The following WLS variants were observed in gnomAD, a reference collection of about 807,000 sequenced individuals.
WLS encodes Wnt ligand secretion mediator, also known as protein wntless homolog.
In WLS, 23 loss-of-function variants were observed where a neutral mutation model predicts 62.8. The ratio of observed to expected loss-of-function variants is 0.37; its 90% CI spans 0.26 to 0.52. WLS has a LOEUF of 0.52. Among genes scored for constraint, WLS ranks in the 20% least tolerant of loss-of-function variants. WLS has a pLI of 0.92. For missense variants in WLS, 615 were observed against 697.3 expected, an observed-to-expected ratio of 0.88 and a Z score of 1.33; for synonymous variants, 246 against 244.1, an observed-to-expected ratio of 1.01 and a Z score of -0.07.
chr1:68,182,188 AG>A lies in WLS; in HGVS notation c.379+11766del, dbSNP rs766443876. On this transcript the variant is annotated intron_variant, in intron 2 of 11. Transcript: ENST00000262348. ...TTTTAAAATCTTGGAAAGGTTTTGG[AG>A]GAGCCCTACTGTTTCTGAATTGGAA... Among the ~76,000 whole-genome samples the A allele has an allele frequency of 5.4e-4, 82 of 152,356 alleles. 1 individual carries two copies. Among genetic ancestry groups the A allele is most frequent in the Middle Eastern group, 6.8e-3 (2 of 294 alleles).
rs148454639 is a variant in WLS at position 68,177,642 on chromosome 1, C to T, written c.379+16313G>A. Among the ~76,000 whole-genome samples, 192 of 152,214 alleles carry T rather than the reference C, an allele frequency of 1.3e-3. 5 individuals carry two copies. The East Asian group carries it at 0.033, about 26-fold the overall frequency. Reference sequence around the variant, plus strand: ...CCAAGCAGCTGGGACTACAGGGGCACACCACCACATCCTGATAATTTTTGT... The same window carrying T: ...CCAAGCAGCTGGGACTACAGGGGCATACCACCACATCCTGATAATTTTTGT... On this transcript the variant is annotated intron_variant, in intron 2 of 11. Coordinates refer to ENST00000262348, the MANE Select transcript of WLS (RefSeq NM_024911.7).
chr1:68,188,853 C>T (rs1403270350), intron 2 of WLS, among the ~76,000 whole-genome samples: 1 of 152,118 alleles, frequency 6.6e-6, no homozygotes, highest in African/African-American at 2.4e-5. Context: ...AAGCCTTGAG[C>T]CAGGAAGCGA....
intron 1 of WLS, among the ~76,000 whole-genome samples, chr1:68,210,418 C>G (rs1649466937): frequency 6.6e-6 from 1 of 152,122 alleles, no homozygotes. Context: ...ATGGAAAATC[C>G]AGCATTCATG....
At chr1:68,131,769 A>T (rs1322666007) in intron 11 of WLS, among the ~76,000 whole-genome samples, 3 of 152,184 alleles carry the variant, frequency 2.0e-5, no homozygotes, top group Non-Finnish European at 4.4e-5. Context: ...GGGCCTTCTT[A>T]AAGAAGTAAT....
At chr1:68,104,428 T>C (rs898528985) in intron 11 of WLS, among the ~76,000 whole-genome samples, 3 of 152,158 alleles carry the variant, frequency 2.0e-5, no homozygotes, top group Non-Finnish European at 4.4e-5. Context: ...AGCAGCTGCA[T>C]CCCACTGCTG....
At chr1:68,127,879 ACTG>A (rs1304840319) in intron 11 of WLS, among the ~76,000 whole-genome samples, 1 of 152,028 alleles carries the variant, frequency 6.6e-6, no homozygotes, top group Non-Finnish European at 1.5e-5. Context: ...ACTCCCACCC[ACTG>A]GCCCAGCAGG....
chr1:68,127,088 A>G (rs1646442955), intron 11 of WLS: 2 of 401,982 alleles, frequency 5.0e-6, no homozygotes, highest in Non-Finnish European at 9.8e-6. Flanking sequence ...TCAGCTACTC[A>G]GGAGGCTGAG....
At chr1:68,175,127 C>T (rs1487828691) in intron 2 of WLS, among the ~76,000 whole-genome samples, 6 of 152,170 alleles carry the variant, frequency 3.9e-5, no homozygotes, top group Admixed American at 6.5e-5. Context: ...CAAGAGCAAT[C>T]GGGCACCATT....
intron 11 of WLS, among the ~76,000 whole-genome samples, chr1:68,110,692 C>CAT (rs1159850761): frequency 1.6e-4 from 22 of 138,454 alleles, no homozygotes; most frequent in African/African-American, 3.8e-4. Flanking sequence ...TCTCTCTCTC[C>CAT]ATATATATAT....
intron 6 of WLS, among the ~76,000 whole-genome samples, chr1:68,149,326 C>T (rs1203738799): frequency 6.6e-6 from 1 of 152,178 alleles, no homozygotes; most frequent in East Asian, 1.9e-4. Flanking sequence ...ATCCACTCCC[C>T]CGCCCTGCTG....
intron 1 of WLS, among the ~76,000 whole-genome samples, chr1:68,231,326 C>T (rs1260297305): frequency 6.6e-6 from 1 of 151,970 alleles, no homozygotes; most frequent in Non-Finnish European, 1.5e-5. Flanking sequence ...AGGAGGCCGG[C>T]GAGCTGTCAC....
intron 11 of WLS, among the ~76,000 whole-genome samples, chr1:68,132,451 G>T (rs1174959124): frequency 6.6e-6 from 1 of 152,146 alleles, no homozygotes. Flanking sequence ...CAATGTCAGG[G>T]CCTCAGGACT....
At chr1:68,153,159 T>C (rs574872669) in intron 5 of WLS, among the ~76,000 whole-genome samples, 7 of 152,154 alleles carry the variant, frequency 4.6e-5, no homozygotes, top group African/African-American at 1.4e-4. Flanking sequence ...CCTGTGGTTC[T>C]AGCTACCGGG....
chr1:68,176,534 G>A (rs1039359958), intron 2 of WLS, among the ~76,000 whole-genome samples: 5 of 152,224 alleles, frequency 3.3e-5, no homozygotes, highest in African/African-American at 9.6e-5. Flanking sequence ...CTAGAGATGT[G>A]ATGTTCAATT....
At chr1:68,135,609 A>C (rs925479979) in intron 11 of WLS, among the ~76,000 whole-genome samples, 1 of 152,182 alleles carries the variant, frequency 6.6e-6, no homozygotes, top group Non-Finnish European at 1.5e-5. Flanking sequence ...TCAGTACTTG[A>C]TAATTATTTC....
chr1:68,115,252 A>G (rs757298032), intron 11 of WLS, among the ~76,000 whole-genome samples: 53 of 152,330 alleles, frequency 3.5e-4, no homozygotes, highest in Non-Finnish European at 6.6e-4. Flanking sequence ...TCTCAGGGAC[A>G]CGAAGAAGAT....
At chr1:68,126,972 C>T (rs971008904) in intron 11 of WLS, 1 of 264,024 alleles carries the variant, frequency 3.8e-6, no homozygotes, top group Non-Finnish European at 7.7e-6. Context: ...AGGAGGACTG[C>T]TTGTGGCCAG....
At chr1:68,200,566 G>A in intron 1 of WLS, among the ~76,000 whole-genome samples, 1 of 141,934 alleles carries the variant, frequency 7.0e-6, no homozygotes, top group Non-Finnish European at 1.5e-5. Flanking sequence ...TCCAGCTATT[G>A]CTTTTTTTTT....
intron 2 of WLS, among the ~76,000 whole-genome samples, chr1:68,192,940 C>CAAAA (rs112624515): frequency 1.6e-5 from 2 of 126,752 alleles, no homozygotes; most frequent in African/African-American, 3.0e-5. Context: ...ACTAAAAATA[C>CAAAA]AAAAAAAAAA....
Sources: gnomAD v4.1 joint callset for allele counts (sites outside exome capture counted in the v4.1 genomes callset) on GRCh38, gnomAD v4.1.1 for gene constraint, MANE v1.5 for transcripts, NCBI Gene and HGNC (gene_info 2026-07-23, HGNC 2026-07-21) for gene names.